The following NFIB variants were observed in gnomAD, a reference collection of about 807,000 sequenced individuals.
The protein encoded by NFIB is nuclear factor I B, also known as nuclear factor 1 B-type.
Under a neutral mutation model 61.5 loss-of-function variants are expected in NFIB, and 11 were observed. That is an observed-to-expected ratio of 0.18 (90% CI 0.11 to 0.30). NFIB has a LOEUF of 0.30. Among genes scored for constraint, NFIB ranks in the 10% least tolerant of loss-of-function variants. The pLI, the probability that NFIB is intolerant of heterozygous loss-of-function variation, is 1.00. For missense variants in NFIB, 471 were observed against 608.9 expected (o/e 0.77, Z 2.38); for synonymous variants, 260 against 216.5 (o/e 1.20, Z -1.76).
intron 1 of NFIB, among the ~76,000 whole-genome samples, chr9:14,333,163 G>T (rs2060842247): frequency 6.6e-6 from 1 of 152,150 alleles, no homozygotes; most frequent in Non-Finnish European, 1.5e-5. Flanking sequence ...TTTCACTCTG[G>T]CTTATGCTCA....
intron 2 of NFIB, among the ~76,000 whole-genome samples, chr9:14,191,131 C>A (rs987302877): frequency 3.3e-5 from 5 of 151,432 alleles, no homozygotes; most frequent in African/African-American, 9.7e-5. Context: ...AGTTCGAGAC[C>A]AGCCTGGCCA....
At position 14,226,256 on chromosome 9, in the gene NFIB, A is replaced by G. The variant is rs184648404; in HGVS notation, c.563-46476T>C. On this transcript the variant is annotated intron_variant, in intron 2 of 10. Transcript: ENST00000380953. Reference sequence around the variant, plus strand: ...CTATTAGGTAAAACGACCATCAACAAAAACAATGAGGCTAGGCACAGTGGC... The same window carrying G: ...CTATTAGGTAAAACGACCATCAACAGAAACAATGAGGCTAGGCACAGTGGC... Among the ~76,000 whole-genome samples, 554 of 152,284 alleles carry G rather than the reference A, an allele frequency of 3.6e-3. 4 individuals are homozygous for G. Among genetic ancestry groups the G allele is most frequent in the African/African-American group, 0.013 (537 of 41,558 alleles).
chr9:14,231,126 AAAAAAAAAAAT>A (rs1280999766), intron 2 of NFIB, among the ~76,000 whole-genome samples: 2 of 91,860 alleles, frequency 2.2e-5, no homozygotes, highest in African/African-American at 9.4e-5. Flanking sequence ...TGGGGAAAAA[AAAAAAAAAAAT>A]ATATATATAT....
chr9:14,339,783 G>A (rs1368522614), intron 1 of NFIB, among the ~76,000 whole-genome samples: 1 of 152,156 alleles, frequency 6.6e-6, no homozygotes, highest in Non-Finnish European at 1.5e-5. Flanking sequence ...TAAGAGACTA[G>A]GGGAGAGAAT....
Position 14,087,909 on chromosome 9 carries a change from T to A in NFIB, c.*400A>T, listed in dbSNP as rs1331831988. ...CATCTAGAAAGTCAGTTAAAATATA[T>A]TGTCATAGAGACAGAACATCTATTT... On this transcript the variant is annotated 3_prime_UTR_variant, in exon 11 of 11. Transcript: ENST00000380953. The A allele has an allele frequency of 4.3e-6, 1 of 234,838 alleles. No homozygotes were observed. The highest frequency in any genetic ancestry group is 2.2e-5 in the African/African-American group (1 of 45,298). 14.5% of individuals were successfully genotyped at this position (234,838 alleles called of 1,614,324 possible). A position where few individuals can be genotyped will look rare whatever the true frequency, so the allele number is the denominator to read the frequency against.
intron 1 of NFIB, among the ~76,000 whole-genome samples, chr9:14,360,755 A>G (rs2061229547): frequency 6.6e-6 from 1 of 152,098 alleles, no homozygotes; most frequent in South Asian, 2.1e-4. Flanking sequence ...CTTGTTAGCC[A>G]GAATGGTCTC....
At chr9:14,151,479 G>A (rs538266908) in intron 4 of NFIB, among the ~76,000 whole-genome samples, 2 of 151,502 alleles carry the variant, frequency 1.3e-5, no homozygotes, top group South Asian at 2.1e-4. Context: ...ACATTCATGC[G>A]AAACACATAA....
chr9:14,381,163 T>A (rs557790622), intron 1 of NFIB, among the ~76,000 whole-genome samples: 19 of 151,758 alleles, frequency 1.3e-4, no homozygotes, highest in Admixed American at 6.6e-4. Context: ...CCATCATGGA[T>A]GCAAAAAGCA....
chr9:14,431,980 A>T, the NFIB span, among the ~76,000 whole-genome samples: 1 of 152,116 alleles, frequency 6.6e-6, no homozygotes, highest in East Asian at 1.9e-4. Context: ...GGTGTGCCTG[A>T]CTCATGCAGT....
intron 2 of NFIB, among the ~76,000 whole-genome samples, chr9:14,187,143 A>C (rs1388022251): frequency 6.6e-6 from 1 of 150,832 alleles, no homozygotes; most frequent in African/African-American, 2.5e-5. Context: ...AGGGCATTAA[A>C]TTATTTGGAG....
rs1286065533 is a variant in NFIB at position 14,313,497 on chromosome 9, G to A, written c.15C>T (p.Pro5=). 6.2e-7 allele frequency: 1 copy of A among 1,613,916 alleles called. No homozygotes were observed. Among genetic ancestry groups the A allele is most frequent in the African/African-American group, 1.3e-5 (1 of 74,934 alleles). The part of the protein sequence containing the change: MMYS[P]ICLTQDEFHP... ...AGACATGTACCTGAGTGAGACAGAT[G>A]GGAGAATACATCATGACTTCGCCTT... Residue 5 remains proline (P), a synonymous_variant, in exon 1 of 11, where the codon CCC becomes CCT. Coordinates refer to ENST00000380953, the MANE Select transcript of NFIB (RefSeq NM_001190737.2). This position sits in a 1 kb window ranked among gnomAD's most constrained non-coding sequence, Gnocchi z 4.5.
At chr9:14,426,060 G>C in the NFIB span, among the ~76,000 whole-genome samples, 6 of 151,580 alleles carry the variant, frequency 4.0e-5, no homozygotes, top group Admixed American at 1.3e-4. Flanking sequence ...TGCCTTTTTT[G>C]GAAATGCGTT....
intron 1 of NFIB, among the ~76,000 whole-genome samples, chr9:14,395,981 T>C (rs2061681641): frequency 6.6e-6 from 1 of 152,000 alleles, no homozygotes; most frequent in Non-Finnish European, 1.5e-5. Flanking sequence ...AGCCAGTGAT[T>C]GTCCTTGTAG....
intron 10 of NFIB, among the ~76,000 whole-genome samples, chr9:14,096,914 A>T (rs1405082792): frequency 2.0e-5 from 3 of 152,118 alleles, no homozygotes; most frequent in Non-Finnish European, 4.4e-5. Flanking sequence ...AATACAATTA[A>T]TTTCTTAGGA....
chr9:14,390,415 G>C (rs1254325167), intron 1 of NFIB, among the ~76,000 whole-genome samples: 1 of 152,078 alleles, frequency 6.6e-6, no homozygotes, highest in Non-Finnish European at 1.5e-5. Flanking sequence ...CAGAAAGTAA[G>C]GAAGGACTAA....
intron 2 of NFIB, among the ~76,000 whole-genome samples, chr9:14,272,771 A>C (rs1283095218): frequency 6.6e-6 from 1 of 152,078 alleles, no homozygotes; most frequent in Non-Finnish European, 1.5e-5. Flanking sequence ...TTTAAAACAG[A>C]ACATGCTACA....
rs372692134 is a variant in NFIB at position 14,229,927 on chromosome 9, G to T, written c.563-50147C>A. On this transcript the variant is annotated intron_variant, in intron 2 of 10. Transcript: ENST00000380953. Reference sequence around the variant, plus strand: ...AGCGCTTCTCCTGCCTCAGCCTCCCGAGTAGTGGAATTACAGGCATATGCC... The same window carrying T: ...AGCGCTTCTCCTGCCTCAGCCTCCCTAGTAGTGGAATTACAGGCATATGCC... Among the ~76,000 whole-genome samples, 25 of 152,214 alleles carry T rather than the reference G, an allele frequency of 1.6e-4. No homozygotes were observed. In the East Asian group the frequency reaches 2.9e-3, roughly 18 times the overall value.
At chr9:14,378,625 G>A (rs1166955122) in intron 1 of NFIB, among the ~76,000 whole-genome samples, 2 of 152,210 alleles carry the variant, frequency 1.3e-5, no homozygotes, top group African/African-American at 4.8e-5. Context: ...AAAGTGTTGG[G>A]ATTACAGGCG....
At chr9:14,262,421 T>C (rs1046581520) in intron 2 of NFIB, among the ~76,000 whole-genome samples, 1 of 152,180 alleles carries the variant, frequency 6.6e-6, no homozygotes, top group Non-Finnish European at 1.5e-5. Flanking sequence ...ATTTCAGATA[T>C]GAAATAAACA....
Sources: allele counts gnomAD v4.1 joint callset (sites outside exome capture counted in the v4.1 genomes callset), GRCh38; gene constraint gnomAD v4.1.1; non-coding constraint Gnocchi (gnomAD v3.1); transcripts MANE v1.5; gene names NCBI Gene and HGNC (gene_info 2026-07-23, HGNC 2026-07-21).